The following MECOM variants were observed in gnomAD, a reference collection of about 807,000 sequenced individuals.
MECOM encodes the protein histone-lysine N-methyltransferase MECOM.
Under a neutral mutation model 116.3 loss-of-function variants are expected in MECOM, and 13 were observed. The observed-to-expected ratio is 0.11, with a 90% CI of 0.07 to 0.18. The LOEUF (loss-of-function observed/expected upper bound fraction) is 0.18. Among genes scored for constraint, MECOM ranks in the 10% least tolerant of loss-of-function variants. The pLI is 1.00. For missense variants in MECOM, 1,299 were observed against 1,509.0 expected, an observed-to-expected ratio of 0.86 and a Z score of 2.31; for synonymous variants, 528 against 535.2, an observed-to-expected ratio of 0.99 and a Z score of 0.19.
intron 1 of MECOM, among the ~76,000 whole-genome samples, chr3:169,489,373 A>G (rs1262897354): frequency 6.6e-6 from 1 of 152,212 alleles, no homozygotes; most frequent in East Asian, 1.9e-4. Flanking sequence ...AAAATAGAAC[A>G]GGTTTTGTAT....
At chr3:169,654,819 C>CACAA (rs1391202499) in intron 1 of MECOM, among the ~76,000 whole-genome samples, 14 of 150,886 alleles carry the variant, frequency 9.3e-5, no homozygotes, top group African/African-American at 3.4e-4. Context: ...TCAAAACACA[C>CACAA]ACACACACAC....
chr3:169,287,024 G>A (rs185021417), intron 2 of MECOM, among the ~76,000 whole-genome samples: 29 of 152,192 alleles, frequency 1.9e-4, no homozygotes, highest in Admixed American at 1.8e-3. Context: ...CCTTGTACTC[G>A]GTGTGATACT....
At chr3:169,500,737 A>G (rs188802557) in intron 1 of MECOM, among the ~76,000 whole-genome samples, 9 of 152,130 alleles carry the variant, frequency 5.9e-5, no homozygotes, top group Admixed American at 5.9e-4. Context: ...TAATTCTTCT[A>G]ATACAAAAGT....
chr3:169,622,862 G>A (rs191690035), intron 1 of MECOM, among the ~76,000 whole-genome samples: 1 of 152,214 alleles, frequency 6.6e-6, no homozygotes, highest in East Asian at 1.9e-4. Context: ...CTAGAAGGAG[G>A]AAAGACAGGT....
At chr3:169,444,184 C>G (rs899447109) in intron 1 of MECOM, among the ~76,000 whole-genome samples, 1 of 152,144 alleles carries the variant, frequency 6.6e-6, no homozygotes, top group Non-Finnish European at 1.5e-5. Context: ...TATGAGGACT[C>G]TCAGTTCTCA....
chr3:169,633,695 T>G (rs1262521141), intron 1 of MECOM, among the ~76,000 whole-genome samples: 2 of 152,058 alleles, frequency 1.3e-5, no homozygotes, highest in African/African-American at 2.4e-5. Flanking sequence ...CCTCAGCCCC[T>G]TGTGCAGTGA....
intron 1 of MECOM, among the ~76,000 whole-genome samples, chr3:169,560,818 T>TA (rs1762551594): frequency 6.6e-6 from 1 of 152,072 alleles, no homozygotes; most frequent in African/African-American, 2.4e-5. Context: ...CAAATGGGCC[T>TA]AAATGAATCA....
intron 2 of MECOM, chr3:169,146,584 G>A (rs764072253): frequency 5.8e-6 from 8 of 1,373,694 alleles, no homozygotes; most frequent in Non-Finnish European, 7.7e-6. Flanking sequence ...AGGGCTCCGC[G>A]AGACTGCGGG....
At chr3:169,093,225 A>G in intron 13 of MECOM, 123 bp from the exon 14 acceptor site, 1 of 985,546 alleles carries the variant, frequency 1.0e-6, no homozygotes, top group South Asian at 1.8e-5. Context: ...GAATATTAAT[A>G]ATAATAACTT....
intron 1 of MECOM, among the ~76,000 whole-genome samples, chr3:169,659,850 A>G (rs1776047331): frequency 1.3e-5 from 2 of 152,122 alleles, no homozygotes; most frequent in Admixed American, 6.5e-5. Context: ...AAGGGTCGGC[A>G]TCTACCTTTC....
intron 1 of MECOM, among the ~76,000 whole-genome samples, chr3:169,425,242 T>C (rs932914094): frequency 1.3e-5 from 2 of 152,090 alleles, no homozygotes; most frequent in Admixed American, 6.6e-5. Context: ...ATGACTTCAG[T>C]GGCACCAGAT....
chr3:169,403,092 A>C (rs1413843316), intron 1 of MECOM, among the ~76,000 whole-genome samples: 3 of 152,236 alleles, frequency 2.0e-5, no homozygotes, highest in Non-Finnish European at 4.4e-5. Flanking sequence ...CATATGCAGG[A>C]AATCCTGCAA....
chr3:169,554,786 A>G (rs1761838531), intron 1 of MECOM, among the ~76,000 whole-genome samples: 2 of 152,224 alleles, frequency 1.3e-5, no homozygotes, highest in South Asian at 4.1e-4. Flanking sequence ...AGTCAGGCTG[A>G]ATCTGGGCTG....
intron 8 of MECOM, among the ~76,000 whole-genome samples, chr3:169,114,889 A>T (rs984923032): frequency 1.3e-5 from 2 of 152,150 alleles, no homozygotes; most frequent in Admixed American, 1.3e-4. Flanking sequence ...TATTTCATTT[A>T]CTTGGGGGCT....
chr3:169,446,215 C>T, intron 1 of MECOM, among the ~76,000 whole-genome samples: 1 of 152,084 alleles, frequency 6.6e-6, no homozygotes, highest in East Asian at 1.9e-4. Flanking sequence ...TGTCCCCACC[C>T]AACTCTCAAC....
At chr3:169,395,569 G>A (rs1285468333) in intron 1 of MECOM, among the ~76,000 whole-genome samples, 1 of 152,064 alleles carries the variant, frequency 6.6e-6, no homozygotes, top group African/African-American at 2.4e-5. Flanking sequence ...TCAATTCAGA[G>A]TTTATATCAT....
chr3:169,311,402 A>G lies in MECOM; in HGVS notation c.375+69785T>C, dbSNP rs529790832. Among the ~76,000 whole-genome samples the G allele has an allele frequency of 4.6e-5, 7 of 152,330 alleles. No individual in the cohort carries two copies. In the South Asian group the frequency reaches 1.5e-3, roughly 32 times the overall value. On this transcript the variant is annotated intron_variant, in intron 2 of 16. Coordinates refer to ENST00000651503, the MANE Select transcript of MECOM (RefSeq NM_004991.4). ...ATAAACAAATAGCTGAAAACACCCT[A>G]ATTTTGAATAACTGTCTTAAAATTT...
chr3:169,223,133 T>A (rs1055785085), intron 2 of MECOM, among the ~76,000 whole-genome samples: 50 of 151,066 alleles, frequency 3.3e-4, no homozygotes, highest in African/African-American at 7.8e-4. Context: ...GTCCTATATT[T>A]TTTTTTTTAC....
At chr3:169,651,150 A>G (rs1774855927) in intron 1 of MECOM, among the ~76,000 whole-genome samples, 1 of 152,182 alleles carries the variant, frequency 6.6e-6, no homozygotes, top group Non-Finnish European at 1.5e-5. Context: ...GGTTTGTCAC[A>G]ATAAAATAAT....
Sources: allele counts gnomAD v4.1 joint callset (sites outside exome capture counted in the v4.1 genomes callset), GRCh38; gene constraint gnomAD v4.1.1; transcripts MANE v1.5; gene names NCBI Gene and HGNC (gene_info 2026-07-23, HGNC 2026-07-21).